Variants in RBM27 observed in about 807,000 individuals in gnomAD.
RBM27 encodes the protein RNA-binding protein 27.
RBM27 carries 22 observed loss-of-function variants against 135.3 expected under a neutral mutation model. That is an observed-to-expected ratio of 0.16 (90% CI 0.12 to 0.23). The LOEUF (loss-of-function observed/expected upper bound fraction) is 0.23. RBM27 is among the 10% of genes least tolerant of loss of function. The pLI is 1.00. For synonymous variants in RBM27, 481 were observed against 442.4 expected (o/e 1.09, Z -1.10); for missense variants, 1,009 against 1,281.0 (o/e 0.79, Z 3.24).
At chr5:146,264,654 TAAAAA>T (rs35210934) in intron 14 of RBM27, among the ~76,000 whole-genome samples, 8 of 97,892 alleles carry the variant, frequency 8.2e-5, no homozygotes, top group Admixed American at 5.2e-4. Context: ...CAAAGAGAGC[TAAAAA>T]AAAAAAAAAA....
intron 3 of RBM27, among the ~76,000 whole-genome samples, chr5:146,225,567 GTTT>G (rs5871958): frequency 2.2e-5 from 3 of 133,564 alleles, no homozygotes; most frequent in Admixed American, 7.7e-5. Context: ...TTACCTTTCT[GTTT>G]TTTTTTTTTT....
At chr5:146,250,411 G>T (rs867439903) in intron 8 of RBM27, among the ~76,000 whole-genome samples, 6 of 132,334 alleles carry the variant, frequency 4.5e-5, no homozygotes, top group Non-Finnish European at 9.2e-5. Flanking sequence ...CAGCCTGGGT[G>T]ACAGAGCAAG....
chr5:146,259,546 A>G lies in RBM27; in HGVS notation c.1739+953A>G, dbSNP rs58298512. Reference sequence around the variant, plus strand: ...AAAAAAAGGTGGTGTTCTAGCCTTCATTTAATGATGTTAGAGTCTTTGATA... The same window carrying G: ...AAAAAAAGGTGGTGTTCTAGCCTTCGTTTAATGATGTTAGAGTCTTTGATA... On this transcript the variant is annotated intron_variant, in intron 11 of 20. Coordinates refer to ENST00000265271, the MANE Select transcript of RBM27 (RefSeq NM_018989.2). 5.7e-3 allele frequency among the ~76,000 whole-genome samples: 850 copies of G among 149,810 alleles called. 8 individuals are homozygous for G. The highest frequency in any genetic ancestry group is 0.02 in the African/African-American group (797 of 40,862).
chr5:146,212,624 G>C (rs889252276), intron 1 of RBM27, among the ~76,000 whole-genome samples: 4 of 152,166 alleles, frequency 2.6e-5, no homozygotes, highest in African/African-American at 9.7e-5. Context: ...GAAGTGCTGG[G>C]ATTACAGGCA....
intron 8 of RBM27, among the ~76,000 whole-genome samples, chr5:146,239,665 A>G (rs1757320236): frequency 6.6e-6 from 1 of 151,208 alleles, no homozygotes; most frequent in South Asian, 2.1e-4. Flanking sequence ...TTTTGGGTAG[A>G]GATGGGGTTT....
At chr5:146,207,951 G>GTT (rs11401604) in intron 1 of RBM27, among the ~76,000 whole-genome samples, 21,583 of 81,216 alleles carry the variant, frequency 0.27, 3,305 homozygotes, top group Admixed American at 0.32. Context: ...GGCCTAACAG[G>GTT]TTTTTTTTTT....
chr5:146,243,971 A>G (rs1308071214), intron 8 of RBM27, among the ~76,000 whole-genome samples: 1 of 152,142 alleles, frequency 6.6e-6, no homozygotes. Context: ...TAATAGTGGG[A>G]AAGAAATATG....
At chr5:146,230,608 G>T in intron 5 of RBM27, 49 bp from the exon 6 acceptor site, 2 of 1,569,930 alleles carry the variant, frequency 1.3e-6, no homozygotes, top group Non-Finnish European at 1.7e-6. Flanking sequence ...TTAAGAACAT[G>T]AAATATCTGA....
At chr5:146,221,170 G>A (rs1257296832) in intron 2 of RBM27, among the ~76,000 whole-genome samples, 3 of 150,836 alleles carry the variant, frequency 2.0e-5, no homozygotes, top group African/African-American at 4.9e-5. Context: ...AAGTTAGAAA[G>A]GATTTTAGTA....
chr5:146,271,141 C>A, intron 18 of RBM27, 83 bp downstream of exon 18: 1 of 992,918 alleles, frequency 1.0e-6, no homozygotes, highest in Non-Finnish European at 1.5e-6. Context: ...TGGCTCACGC[C>A]TGTAATCTCA....
chr5:146,223,048 A>G (rs1460323773), intron 2 of RBM27, among the ~76,000 whole-genome samples: 1 of 152,076 alleles, frequency 6.6e-6, no homozygotes, highest in Non-Finnish European at 1.5e-5. Flanking sequence ...ACATACTGTT[A>G]TATCTTTGAG....
intron 1 of RBM27, among the ~76,000 whole-genome samples, chr5:146,204,947 G>C (rs1000732850): frequency 6.6e-6 from 1 of 152,112 alleles, no homozygotes; most frequent in African/African-American, 2.4e-5. Flanking sequence ...TCCCAGGCTG[G>C]AGTGCAGTGG....
chr5:146,219,219 A>C, intron 2 of RBM27, 116 bp downstream of exon 2: 1 of 638,852 alleles, frequency 1.6e-6, no homozygotes, highest in Non-Finnish European at 2.7e-6. Context: ...AGTCCTTTGA[A>C]TACTTGAATA....
rs1758407049 is a variant in RBM27, at chr5:146,261,729, C to T, written c.2113C>T (p.Leu705=). The change falls in exon 13 of 21, where the codon CTG becomes TTG. Residue 705 remains leucine (L), a synonymous_variant. Transcript: ENST00000265271. ...TCACCTCTCACAGCAGCACCATCAC[C>T]TGCCACAGCATCTACATCAGCAGCA... is the stretch of plus-strand genomic sequence containing the variant. ...LSHLSQQHHH[L]PQHLHQQQVL... 15 of 1,614,208 alleles carry T rather than the reference C, an allele frequency of 9.3e-6. No individual in the cohort carries two copies. Among genetic ancestry groups the T allele is most frequent in the Non-Finnish European group, 1.3e-5 (15 of 1,180,026 alleles).
intron 2 of RBM27, 28 bp from the exon 3 acceptor site, chr5:146,223,375 A>G (rs749274748): frequency 6.8e-5 from 106 of 1,558,958 alleles, no homozygotes; most frequent in Non-Finnish European, 8.8e-5. Context: ...TGTTTGCGCA[A>G]TATGTAAATG....
chr5:146,277,120 A>T (rs1759124002), intron 19 of RBM27, among the ~76,000 whole-genome samples: 1 of 152,160 alleles, frequency 6.6e-6, no homozygotes, highest in Non-Finnish European at 1.5e-5. Context: ...AACTGCTGTA[A>T]TTTTTTCTCT....
intron 19 of RBM27, among the ~76,000 whole-genome samples, chr5:146,272,296 A>G (rs1347224861): frequency 6.6e-6 from 1 of 152,252 alleles, no homozygotes; most frequent in African/African-American, 2.4e-5. Flanking sequence ...TCCTGTGTGT[A>G]CAGATGTGAA....
Position 146,260,752 on chromosome 5 carries a change from A to C in RBM27, c.1747A>C (p.Asn583His). 1 of 1,604,894 alleles carries C rather than the reference A, an allele frequency of 6.2e-7. No individual in the cohort carries two copies. Among genetic ancestry groups the C allele is most frequent in the African/African-American group, 1.3e-5 (1 of 74,534 alleles). ...TATTAATCTTCCTTTTAGGCAAGGA[A>C]ATAACAATCAAAATAAACCAGGGTT... is the stretch of plus-strand genomic sequence containing the variant. Reference protein sequence around the residue: ...TKKPWLGKQGNNNQNKPGFLR... With the variant: ...TKKPWLGKQGHNNQNKPGFLR... Residue 583 changes from asparagine (N) to histidine (H), a missense_variant, in exon 12 of 21, where the codon AAT becomes CAT. Asn to His is a moderately conservative substitution (Grantham distance 68). Coordinates refer to ENST00000265271, the MANE Select transcript of RBM27 (RefSeq NM_018989.2).
At chr5:146,251,481 T>C (rs554454902) in intron 8 of RBM27, among the ~76,000 whole-genome samples, 1 of 152,346 alleles carries the variant, frequency 6.6e-6, no homozygotes, top group African/African-American at 2.4e-5. Context: ...AGATGGAGAT[T>C]ATATATACTA....
Sources: gnomAD v4.1 joint callset for allele counts (sites outside exome capture counted in the v4.1 genomes callset) on GRCh38, gnomAD v4.1.1 for gene constraint, MANE v1.5 for transcripts, NCBI Gene and HGNC (gene_info 2026-07-23, HGNC 2026-07-21) for gene names.